SEL1L2: variants seen among roughly 807,000 people sequenced by gnomAD.
SEL1L2 encodes protein sel-1 homolog 2.
In SEL1L2, 89 loss-of-function variants were observed where a neutral mutation model predicts 98.8. That is an observed-to-expected ratio of 0.90 (90% CI 0.76 to 1.07). The LOEUF (loss-of-function observed/expected upper bound fraction) is 1.07, where lower values mean the gene tolerates loss of function less well. SEL1L2 is among the 50% of genes least tolerant of loss of function. The pLI, the probability that SEL1L2 is intolerant of heterozygous loss-of-function variation, is 0.00. For missense variants in SEL1L2, 788 were observed against 812.0 expected (o/e 0.97, Z 0.36); for synonymous variants, 262 against 278.5 (o/e 0.94, Z 0.59).
intron 12 of SEL1L2, among the ~76,000 whole-genome samples, chr20:13,872,557 C>T (rs530490393): frequency 2.6e-5 from 4 of 152,114 alleles, no homozygotes; most frequent in Non-Finnish European, 4.4e-5. Flanking sequence ...TATAAATTAC[C>T]CAGTCTTGGG....
intron 10 of SEL1L2, among the ~76,000 whole-genome samples, chr20:13,879,604 C>T (rs926877882): frequency 2.0e-5 from 3 of 152,014 alleles, no homozygotes; most frequent in South Asian, 2.1e-4. Context: ...CCTCCCATTT[C>T]GACCTCCCAT....
At chr20:13,873,150 C>T (rs1393326637) in intron 12 of SEL1L2, among the ~76,000 whole-genome samples, 1 of 151,844 alleles carries the variant, frequency 6.6e-6, no homozygotes, top group Non-Finnish European at 1.5e-5. Flanking sequence ...ACCCCCATGC[C>T]TGGCTAATTT....
chr20:13,927,309 A>T (rs2048948506), intron 3 of SEL1L2, among the ~76,000 whole-genome samples: 1 of 152,246 alleles, frequency 6.6e-6, no homozygotes, highest in Admixed American at 6.5e-5. Context: ...AATTCAACTC[A>T]ATGTAATTCA....
chr20:13,985,085 C>T (rs2052095840), intron 1 of SEL1L2, among the ~76,000 whole-genome samples: 1 of 152,022 alleles, frequency 6.6e-6, no homozygotes, highest in East Asian at 1.9e-4. Flanking sequence ...GTTTAACCAA[C>T]CGTTGGATAT....
At chr20:13,920,423 G>A (rs974526348) in intron 3 of SEL1L2, among the ~76,000 whole-genome samples, 12 of 152,002 alleles carry the variant, frequency 7.9e-5, no homozygotes, top group African/African-American at 2.9e-4. Context: ...TTTTCCAAAC[G>A]TTTATGTAAC....
chr20:13,974,589 G>A (rs1333347526), intron 1 of SEL1L2, among the ~76,000 whole-genome samples: 11 of 141,870 alleles, frequency 7.8e-5, no homozygotes, highest in African/African-American at 2.6e-4. Flanking sequence ...AGAGATTCTC[G>A]TGCCTCAGCC....
chr20:13,961,911 T>C lies in SEL1L2; in HGVS notation c.59-5780A>G, dbSNP rs1413452455. Among the ~76,000 whole-genome samples, 3 of 152,296 alleles carry C rather than the reference T, an allele frequency of 2.0e-5. No homozygotes were observed. In the South Asian group the frequency reaches 6.2e-4, roughly 32 times the overall value. The stretch of plus-strand genomic sequence containing the variant: ...CTCCTTTTGGGACAGCAGTGTCTAA[T>C]ATAGTTTTGCTGTCTTTCCAGTGTA... On this transcript the variant is annotated intron_variant, in intron 1 of 19. Transcript: ENST00000284951.
At chr20:13,871,769 CCCAAAGT>C (rs1391776058) in intron 12 of SEL1L2, among the ~76,000 whole-genome samples, 1 of 133,826 alleles carries the variant, frequency 7.5e-6, no homozygotes, top group Non-Finnish European at 1.7e-5. Context: ...ATCTCAGCTT[CCCAAAGT>C]GGTGGGATTA....
Position 13,990,578 on chromosome 20 carries a change from T to C in SEL1L2, c.-44A>G. On this transcript the variant is annotated 5_prime_UTR_variant, in exon 1 of 20. Transcript: ENST00000284951. ...TCTTCACTGTAACACAGGCAGAAAC[T>C]AGGTGATTGGCCCAAGAGCTCCTCT... 1 of 1,497,494 alleles carries C rather than the reference T, an allele frequency of 6.7e-7. No individual in the cohort carries two copies. The allele number at this position is 1,497,494 out of a possible 1,614,324, so 92.8% of individuals were successfully genotyped here. A position where few individuals can be genotyped will look rare whatever the true frequency, so the allele number is the denominator to read the frequency against.
chr20:13,873,721 C>T (rs2046307104), intron 12 of SEL1L2, among the ~76,000 whole-genome samples: 1 of 152,176 alleles, frequency 6.6e-6, no homozygotes, highest in Non-Finnish European at 1.5e-5. Context: ...CCAAACCCTG[C>T]AGTATACACC....
intron 2 of SEL1L2, among the ~76,000 whole-genome samples, chr20:13,952,484 C>T (rs1352309521): frequency 6.6e-6 from 1 of 152,142 alleles, no homozygotes; most frequent in African/African-American, 2.4e-5. Context: ...TATCTAGGCC[C>T]TCCCTGCTTC....
rs567603652 is a variant in SEL1L2, at chr20:13,988,357, A to T, written c.58+2120T>A. Reference sequence around the variant, plus strand: ...CTAGCCTTTAAAAACTGTTTTATTTATTTTTTTCAAATTCATTTTTTTCAT... The same window carrying T: ...CTAGCCTTTAAAAACTGTTTTATTTTTTTTTTTCAAATTCATTTTTTTCAT... On this transcript the variant is annotated intron_variant, in intron 1 of 19. Coordinates refer to ENST00000284951, the MANE Select transcript of SEL1L2 (RefSeq NM_025229.2). 1.1e-4 allele frequency among the ~76,000 whole-genome samples: 16 copies of T among 151,872 alleles called. No homozygotes were observed. In the South Asian group the frequency reaches 2.9e-3, roughly 28 times the overall value.
chr20:13,954,830 T>C (rs888542587), intron 2 of SEL1L2, among the ~76,000 whole-genome samples: 2 of 152,146 alleles, frequency 1.3e-5, no homozygotes, highest in African/African-American at 4.8e-5. Context: ...CCTGAAGAAA[T>C]GGATGTTCCT....
In SEL1L2 at chr20:13,965,676, C is replaced by T. The variant is rs139516424; in HGVS notation, c.59-9545G>A. Among the ~76,000 whole-genome samples, 21 of 152,206 alleles carry T rather than the reference C, an allele frequency of 1.4e-4. No homozygotes were observed. In the East Asian group the frequency reaches 2.5e-3, roughly 18 times the overall value. On this transcript the variant is annotated intron_variant, in intron 1 of 19. Coordinates refer to ENST00000284951, the MANE Select transcript of SEL1L2 (RefSeq NM_025229.2). ...CCTTAAAAACCTACAAGTCTTTGGT[C>T]GGGCACAGTGGCTCACGCCTGTAAC...
chr20:13,914,965 G>T (rs572107743), intron 4 of SEL1L2, among the ~76,000 whole-genome samples: 1 of 152,218 alleles, frequency 6.6e-6, no homozygotes, highest in South Asian at 2.1e-4. Context: ...GAGACAGGGA[G>T]TATTTTAGGG....
chr20:13,973,824 G>A (rs568294817), intron 1 of SEL1L2, among the ~76,000 whole-genome samples: 1 of 152,102 alleles, frequency 6.6e-6, no homozygotes, highest in Non-Finnish European at 1.5e-5. Flanking sequence ...TAGTTCTAGG[G>A]TTGGGGTGCC....
chr20:13,943,551 GTTCA>G (rs1225497937), intron 2 of SEL1L2, among the ~76,000 whole-genome samples: 2 of 144,954 alleles, frequency 1.4e-5, no homozygotes, highest in African/African-American at 5.1e-5. Context: ...GATAGTTTCT[GTTCA>G]TTCCTTGATA....
rs1403653172 is a variant in SEL1L2 at position 13,866,752 on chromosome 20, T to A, written c.1354A>T (p.Met452Leu). ...ACTACTCCTGTTCCTGTTGCATACA[T>A]CTTGGCCAGATAATAAATGGCAAGG... ...QPLAIYYLAK[M>L]YATGTGVVRS... is the part of the protein sequence containing the mutation. The change falls in exon 15 of 20, where the codon ATG becomes TTG. Residue 452 changes from methionine to leucine, a missense_variant. By Grantham distance (15) the Met-to-Leu change is conservative (BLOSUM62 2). Coordinates refer to ENST00000284951, the MANE Select transcript of SEL1L2 (RefSeq NM_025229.2). 1 of 1,611,748 alleles carries A rather than the reference T, an allele frequency of 6.2e-7. No homozygotes were observed. The highest frequency in any genetic ancestry group is 8.5e-7 in the Non-Finnish European group (1 of 1,179,202).
In SEL1L2 at chr20:13,989,158, TA is replaced by T. The variant is rs530018197; in HGVS notation, c.58+1318del. 3.4e-3 allele frequency among the ~76,000 whole-genome samples: 523 copies of T among 152,370 alleles called. 3 individuals carry two copies. Among genetic ancestry groups the T allele is most frequent in the Middle Eastern group, 0.014 (4 of 294 alleles). ...GTAGTGAAGTCTTCTTTAACTTCTT[TA>T]AACAATTTTTGTGGTCATCAGAATA... On this transcript the variant is annotated intron_variant, in intron 1 of 19. Coordinates refer to ENST00000284951, the MANE Select transcript of SEL1L2 (RefSeq NM_025229.2).
Sources: gnomAD v4.1 joint callset for allele counts (sites outside exome capture counted in the v4.1 genomes callset) on GRCh38, gnomAD v4.1.1 for gene constraint, MANE v1.5 for transcripts, NCBI Gene and HGNC (gene_info 2026-07-23, HGNC 2026-07-21) for gene names.